QKI: variants seen among roughly 807,000 people sequenced by gnomAD.
The protein encoded by QKI is QKI, KH domain containing RNA binding, also known as KH domain-containing RNA-binding protein QKI.
QKI carries 10 observed loss-of-function variants against 39.0 expected under a neutral mutation model. The observed-to-expected ratio is 0.26, with a 90% CI of 0.16 to 0.43. QKI has a LOEUF of 0.43. Ranked by LOEUF, QKI falls within the 20% of genes least tolerant of loss-of-function variation. QKI has a pLI of 1.00. For missense variants in QKI, 218 were observed against 428.0 expected, an observed-to-expected ratio of 0.51 and a Z score of 4.33; for synonymous variants, 204 against 155.4, an observed-to-expected ratio of 1.31 and a Z score of -2.33.
chr6:163,482,087 AG>A (rs1431038873), intron 3 of QKI, among the ~76,000 whole-genome samples: 39 of 152,200 alleles, frequency 2.6e-4, no homozygotes, highest in African/African-American at 8.2e-4. Flanking sequence ...AGGTAGGCTG[AG>A]GAGGGAGGAT....
chr6:163,442,876 T>C (rs767217724), intron 1 of QKI, among the ~76,000 whole-genome samples: 9 of 152,218 alleles, frequency 5.9e-5, no homozygotes, highest in Non-Finnish European at 1.0e-4. Context: ...TAGCTTCTAA[T>C]CAGTTATACT....
intron 2 of QKI, among the ~76,000 whole-genome samples, chr6:163,456,788 GA>G (rs1790953362): frequency 6.6e-6 from 1 of 152,050 alleles, no homozygotes; most frequent in Non-Finnish European, 1.5e-5. Flanking sequence ...GGAATAGTTG[GA>G]AAACAAAGTG....
At chr6:163,520,450 T>C (rs1780078642) in intron 3 of QKI, among the ~76,000 whole-genome samples, 1 of 152,146 alleles carries the variant, frequency 6.6e-6, no homozygotes, top group African/African-American at 2.4e-5. Flanking sequence ...GGGGAAATTA[T>C]AAATGTCGGT....
intron 3 of QKI, among the ~76,000 whole-genome samples, chr6:163,512,567 TC>T (rs1315861893): frequency 2.6e-5 from 4 of 151,970 alleles, no homozygotes; most frequent in Non-Finnish European, 5.9e-5. Context: ...TTCACACAAC[TC>T]CTAATAACTG....
intron 7 of QKI, chr6:163,569,537 G>A: frequency 1.6e-6 from 2 of 1,214,288 alleles, no homozygotes; most frequent in South Asian, 3.0e-5. Context: ...ACTGTTAAGT[G>A]GACCAAGTTT....
chr6:163,562,037 A>G lies in QKI; in HGVS notation c.602A>G (p.Asn201Ser). ...CAGCTGATGGAGCTTGCGATTCTGA[A>G]TGGCACCTACAGAGATGCCAACATT... is the stretch of plus-strand genomic sequence containing the variant. ...KMQLMELAILNGTYRDANIKS... is the reference protein window; with the variant it reads ...KMQLMELAILSGTYRDANIKS... The change falls in exon 5 of 8, where the codon AAT becomes AGT. Residue 201 changes from asparagine to serine, a missense_variant. Transcript: ENST00000361752. 1 of 1,613,596 alleles carries G rather than the reference A, an allele frequency of 6.2e-7. No individual in the cohort carries two copies. The highest frequency in any genetic ancestry group is 8.5e-7 in the Non-Finnish European group (1 of 1,179,798).
chr6:163,529,943 T>A (rs369462201), intron 3 of QKI, among the ~76,000 whole-genome samples: 6 of 152,296 alleles, frequency 3.9e-5, no homozygotes, highest in African/African-American at 1.4e-4. Context: ...GCTTTAGAGA[T>A]TGAAGTATAC....
chr6:163,520,303 C>T (rs1325702492), intron 3 of QKI, among the ~76,000 whole-genome samples: 1 of 151,842 alleles, frequency 6.6e-6, no homozygotes, highest in Non-Finnish European at 1.5e-5. Context: ...AAATGGTTAA[C>T]GTTTAACAAA....
chr6:163,539,925 A>G (rs1434869566), intron 4 of QKI, among the ~76,000 whole-genome samples: 4 of 152,036 alleles, frequency 2.6e-5, no homozygotes, highest in Admixed American at 2.6e-4. Flanking sequence ...AATGTGAGTA[A>G]AATCTCTTGG....
In QKI at chr6:163,575,210, CAT is replaced by C. The variant is rs1218941299; in HGVS notation, c.*4501_*4502del. On this transcript the variant is annotated 3_prime_UTR_variant, in exon 8 of 8. Transcript: ENST00000361752. ...GTCAAGCTGCTAATATACAAGTTGT[CAT>C]GGTACCATGTAACTTAAATTGATGA... 6.6e-6 allele frequency: 1 copy of C among 152,178 alleles called. No homozygotes were observed. The highest frequency in any genetic ancestry group is 1.5e-5 in the Non-Finnish European group (1 of 68,042). 9.4% of individuals were successfully genotyped at this position (152,178 alleles called of 1,614,324 possible). A position where few individuals can be genotyped will look rare whatever the true frequency, so the allele number is the denominator to read the frequency against.
In QKI at chr6:163,550,472, C is replaced by G. The variant is rs543259910; in HGVS notation, c.547-11510C>G. On this transcript the variant is annotated intron_variant, in intron 4 of 7. Coordinates refer to ENST00000361752, the MANE Select transcript of QKI (RefSeq NM_006775.3). ...AAGCTACTTTTTCTTACAGGAATTT[C>G]AGTAATCAGAGATTTGGGGGGAAGC... Among the ~76,000 whole-genome samples the G allele has an allele frequency of 8.5e-5, 13 of 152,272 alleles. No individual in the cohort carries two copies. The East Asian group carries it at 2.5e-3, about 29-fold the overall frequency.
chr6:163,415,041 C>T lies in QKI; in HGVS notation c.-153C>T, dbSNP rs571385309. ...CGGGCGAGCGCGCGGTGCCGGCCGC[C>T]CCGGGGCTCGGCGCGGGAGCCAGAG... On this transcript the variant is annotated 5_prime_UTR_variant, in exon 1 of 8. Coordinates refer to ENST00000361752, the MANE Select transcript of QKI (RefSeq NM_006775.3). 423 of 798,862 alleles carry T rather than the reference C, an allele frequency of 5.3e-4. 4 individuals carry two copies. The South Asian group carries it at 0.021, about 39-fold the overall frequency. The allele number at this position is 798,862 out of a possible 1,614,324, so 49.5% of individuals were successfully genotyped here.
chr6:163,498,962 A>C lies in QKI; in HGVS notation c.402+20066A>C, dbSNP rs540285000. ...GGATGAGACCGAATACTAAACACGA[A>C]ATTGATTCATGTGCACATAGCCTGA... On this transcript the variant is annotated intron_variant, in intron 3 of 7. Transcript: ENST00000361752. Among the ~76,000 whole-genome samples the C allele has an allele frequency of 7.2e-5, 11 of 152,202 alleles. No homozygotes were observed. In the East Asian group the frequency reaches 1.7e-3, roughly 24 times the overall value.
chr6:163,558,531 C>T (rs1241357076), intron 4 of QKI, among the ~76,000 whole-genome samples: 1 of 151,882 alleles, frequency 6.6e-6, no homozygotes, highest in African/African-American at 2.4e-5. Flanking sequence ...TCCTAAGTAG[C>T]TGGGATTACA....
At chr6:163,467,874 C>T (rs944715986) in intron 2 of QKI, among the ~76,000 whole-genome samples, 1 of 152,094 alleles carries the variant, frequency 6.6e-6, no homozygotes, top group African/African-American at 2.4e-5. Context: ...GGGGCCATCT[C>T]CAGATAAAAC....
chr6:163,414,979 A>C lies in QKI; in HGVS notation c.-215A>C. ...GCGGCCGAGAGCGGCGGCGGCTGGG[A>C]GCGCGTCGGGCCCGGGCGGAAAGTG... is the stretch of plus-strand genomic sequence containing the variant. On this transcript the variant is annotated 5_prime_UTR_variant, in exon 1 of 8. Coordinates refer to ENST00000361752, the MANE Select transcript of QKI (RefSeq NM_006775.3). 1.8e-5 allele frequency: 4 copies of C among 219,938 alleles called. No homozygotes were observed. Among genetic ancestry groups the C allele is most frequent in the Non-Finnish European group, 3.0e-5 (4 of 134,964 alleles). 13.6% of individuals were successfully genotyped at this position (219,938 alleles called of 1,614,324 possible).
At position 163,575,152 on chromosome 6, in the gene QKI, C is replaced by G. The variant is rs1357850185; in HGVS notation, c.*4442C>G. The G allele has an allele frequency of 6.6e-6, 1 of 152,092 alleles. No homozygotes were observed. Among genetic ancestry groups the G allele is most frequent in the Non-Finnish European group, 1.5e-5 (1 of 68,024 alleles). The allele number at this position is 152,092 out of a possible 1,614,324, so 9.4% of individuals were successfully genotyped here. ...AAAAGTTTCCGTTGCCATAACAGTT[C>G]ATGTAGTAGTCTGTGAAAATTCGAA... On this transcript the variant is annotated 3_prime_UTR_variant, in exon 8 of 8. Coordinates refer to ENST00000361752, the MANE Select transcript of QKI (RefSeq NM_006775.3).
At chr6:163,531,589 A>G (rs1425418058) in intron 3 of QKI, among the ~76,000 whole-genome samples, 2 of 152,174 alleles carry the variant, frequency 1.3e-5, no homozygotes, top group East Asian at 3.9e-4. Flanking sequence ...GGTAAATTTT[A>G]AGTTAACCAT....
At chr6:163,487,263 C>T (rs1777741590) in intron 3 of QKI, among the ~76,000 whole-genome samples, 1 of 152,048 alleles carries the variant, frequency 6.6e-6, no homozygotes. Context: ...TTACCCATCA[C>T]CCAGGGTCAG....
Sources: allele counts gnomAD v4.1 joint callset (sites outside exome capture counted in the v4.1 genomes callset), GRCh38; gene constraint gnomAD v4.1.1; transcripts MANE v1.5; gene names NCBI Gene and HGNC (gene_info 2026-07-23, HGNC 2026-07-21).